NIPAL2: variants seen among roughly 807,000 people sequenced by gnomAD.
The protein encoded by NIPAL2 is NIPA-like protein 2.
In NIPAL2, 43 loss-of-function variants were observed where a neutral mutation model predicts 48.9. The observed-to-expected ratio is 0.88, with a 90% CI of 0.69 to 1.13. NIPAL2 has a LOEUF of 1.13. NIPAL2 is among the 50% of genes most tolerant of loss of function. The pLI, the probability that NIPAL2 is intolerant of heterozygous loss-of-function variation, is 0.00. For synonymous variants in NIPAL2, 167 were observed against 174.6 expected, an observed-to-expected ratio of 0.96 and a Z score of 0.34; for missense variants, 446 against 461.4, an observed-to-expected ratio of 0.97 and a Z score of 0.31.
At chr8:98,217,682 AAATG>A (rs1457443155) in intron 5 of NIPAL2, among the ~76,000 whole-genome samples, 2 of 152,340 alleles carry the variant, frequency 1.3e-5, no homozygotes, top group East Asian at 3.9e-4. Context: ...ATTAGATTAC[AAATG>A]AATATAATAT....
chr8:98,203,435 TC>T (rs1810894800), intron 7 of NIPAL2, among the ~76,000 whole-genome samples: 1 of 152,128 alleles, frequency 6.6e-6, no homozygotes, highest in African/African-American at 2.4e-5. Context: ...TTAATCATAT[TC>T]CGAGGCCACA....
chr8:98,254,264 C>T (rs909695773), intron 1 of NIPAL2, among the ~76,000 whole-genome samples, 177 bp from the exon 2 acceptor site: 4 of 152,038 alleles, frequency 2.6e-5, no homozygotes, highest in African/African-American at 7.2e-5. Context: ...TCACTTTTTT[C>T]GAACACTATT....
chr8:98,240,380 T>C (rs561755846), intron 3 of NIPAL2, among the ~76,000 whole-genome samples: 34 of 152,272 alleles, frequency 2.2e-4, no homozygotes, highest in African/African-American at 7.9e-4. Flanking sequence ...AAGCACACAA[T>C]AGTCCTAGCA....
At chr8:98,263,210 T>G (rs1332112243) in intron 1 of NIPAL2, among the ~76,000 whole-genome samples, 11 of 123,082 alleles carry the variant, frequency 8.9e-5, no homozygotes, top group South Asian at 3.1e-4. Flanking sequence ...AACATCACAA[T>G]TAAAAGAACT....
At chr8:98,255,394 A>G (rs1008455061) in intron 1 of NIPAL2, among the ~76,000 whole-genome samples, 1 of 152,244 alleles carries the variant, frequency 6.6e-6, no homozygotes, top group African/African-American at 2.4e-5. Flanking sequence ...AGTTATTTGA[A>G]TTTCAAATGA....
chr8:98,238,510 G>T (rs1712808957), intron 3 of NIPAL2, among the ~76,000 whole-genome samples: 1 of 151,978 alleles, frequency 6.6e-6, no homozygotes, highest in African/African-American at 2.4e-5. Context: ...GGTTAAATTT[G>T]AATGTGACTA....
rs1563499439 is a variant in NIPAL2 at position 98,222,506 on chromosome 8, A to C, written c.531T>G (p.Leu177=). The change falls in exon 5 of 11, where the codon CTT becomes CTG. Residue 177 remains leucine (L), a synonymous_variant. Transcript: ENST00000430223. ...AISARTVQYY[L]VGWQFLIYVI... ...CATAGATCAGGAACTGCCATCCGAC[A>C]AGGTAATACTGTACTGTTCTTGCTG... 2 of 1,613,622 alleles carry C rather than the reference A, an allele frequency of 1.2e-6. No homozygotes were observed. Among genetic ancestry groups the C allele is most frequent in the South Asian group, 2.2e-5 (2 of 90,802 alleles).
intron 3 of NIPAL2, among the ~76,000 whole-genome samples, chr8:98,243,694 G>A (rs1290832795): frequency 6.6e-6 from 1 of 152,208 alleles, no homozygotes; most frequent in African/African-American, 2.4e-5. Flanking sequence ...AGGTTCTTCT[G>A]TAATAGCTAC....
chr8:98,260,720 C>T (rs1366575794), intron 1 of NIPAL2, among the ~76,000 whole-genome samples: 6 of 152,238 alleles, frequency 3.9e-5, no homozygotes, highest in African/African-American at 1.2e-4. Flanking sequence ...CCGCCATTGC[C>T]CAGGCTTGAT....
At chr8:98,236,885 G>GAAC (rs1190957277) in intron 3 of NIPAL2, among the ~76,000 whole-genome samples, 1 of 136,430 alleles carries the variant, frequency 7.3e-6, no homozygotes, top group Non-Finnish European at 1.6e-5. Context: ...AGGACAGGAA[G>GAAC]AACTTTAAAT....
intron 1 of NIPAL2, among the ~76,000 whole-genome samples, chr8:98,268,198 A>G (rs1404718445): frequency 5.9e-5 from 9 of 152,178 alleles, no homozygotes; most frequent in Non-Finnish European, 1.3e-4. Flanking sequence ...CTTCTCATCT[A>G]TCAAAGGATA....
intron 1 of NIPAL2, among the ~76,000 whole-genome samples, chr8:98,286,682 G>A (rs773570566): frequency 4.0e-5 from 6 of 151,862 alleles, no homozygotes; most frequent in Admixed American, 6.6e-5. Context: ...GGTGGTACAC[G>A]CCTGTAGTCC....
chr8:98,254,239 A>G (rs1813750981), intron 1 of NIPAL2, 152 bp from the exon 2 acceptor site: 1 of 524,302 alleles, frequency 1.9e-6, no homozygotes, highest in African/African-American at 2.0e-5. Context: ...ATAGGATTTA[A>G]TTAGAATTAG....
At chr8:98,225,585 T>C (rs1314352425) in intron 4 of NIPAL2, among the ~76,000 whole-genome samples, 1 of 152,222 alleles carries the variant, frequency 6.6e-6, no homozygotes, top group Non-Finnish European at 1.5e-5. Flanking sequence ...AGCTCTTTTG[T>C]ATGTTATTTG....
chr8:98,226,688 C>A (rs1165744122), intron 4 of NIPAL2, among the ~76,000 whole-genome samples: 2 of 152,294 alleles, frequency 1.3e-5, no homozygotes, highest in African/African-American at 4.8e-5. Flanking sequence ...TGGCCACTCC[C>A]ACTGGGACTG....
At chr8:98,265,997 T>C (rs1441071272) in intron 1 of NIPAL2, among the ~76,000 whole-genome samples, 8 of 150,812 alleles carry the variant, frequency 5.3e-5, no homozygotes, top group Non-Finnish European at 1.0e-4. Flanking sequence ...ATGGATGAAA[T>C]TGGAAAACAT....
At chr8:98,274,223 A>G (rs1452804025) in intron 1 of NIPAL2, among the ~76,000 whole-genome samples, 1 of 151,946 alleles carries the variant, frequency 6.6e-6, no homozygotes, top group African/African-American at 2.4e-5. Flanking sequence ...AGTTGTTAAC[A>G]TTATATATAT....
At chr8:98,239,723 G>C (rs1198191746) in intron 3 of NIPAL2, among the ~76,000 whole-genome samples, 2 of 151,734 alleles carry the variant, frequency 1.3e-5, no homozygotes, top group Non-Finnish European at 2.9e-5. Context: ...AGATTTTTTA[G>C]TTTTATTTAT....
At chr8:98,291,016 T>C (rs1203136556) in intron 1 of NIPAL2, among the ~76,000 whole-genome samples, 1 of 152,224 alleles carries the variant, frequency 6.6e-6, no homozygotes, top group African/African-American at 2.4e-5. Context: ...CTGGATTTAG[T>C]CCACAGCTGG....
Sources: gnomAD v4.1 joint callset for allele counts (sites outside exome capture counted in the v4.1 genomes callset) on GRCh38, gnomAD v4.1.1 for gene constraint, MANE v1.5 for transcripts, NCBI Gene and HGNC (gene_info 2026-07-23, HGNC 2026-07-21) for gene names.